Variants in GPALPP1 observed in about 807,000 individuals in gnomAD.
GPALPP1 encodes the protein GPALPP motifs containing 1, also known as GPALPP motifs-containing protein 1.
In GPALPP1, 30 loss-of-function variants were observed where a neutral mutation model predicts 38.9. The ratio of observed to expected loss-of-function variants is 0.77; its 90% confidence interval spans 0.58 to 1.05. GPALPP1 has a LOEUF of 1.05. Among genes scored for constraint, GPALPP1 ranks in the 50% least tolerant of loss-of-function variants. The pLI is 0.00. For synonymous variants in GPALPP1, 120 were observed against 139.2 expected, an observed-to-expected ratio of 0.86 and a Z score of 0.97; for missense variants, 384 against 408.8, an observed-to-expected ratio of 0.94 and a Z score of 0.52.
chr13:45,013,137 G>A (rs12184895), intron 4 of GPALPP1, among the ~76,000 whole-genome samples: 8,118 of 152,266 alleles, frequency 0.053, 290 homozygotes, highest in South Asian at 0.075. Context: ...CAAGAGGTAA[G>A]ATCATCCCAG....
chr13:44,989,726 G>A lies in GPALPP1; in HGVS notation c.72G>A (p.Glu24=), dbSNP rs776592295. Residue 24 remains glutamate, a synonymous_variant, in exon 1 of 8, where the codon GAG becomes GAA. Coordinates refer to ENST00000379151, the MANE Select transcript of GPALPP1 (RefSeq NM_018559.5). ...CCCGCGGAACAGCGGAGGACGAAGA[G>A]CGGGACCCGAGCCCTGGTAAGCGGC... The part of the protein sequence containing the change: ...FKARGTAEDE[E]RDPSPVAGPA... 1 of 1,609,352 alleles carries A rather than the reference G, an allele frequency of 6.2e-7. No homozygotes were observed. The highest frequency in any genetic ancestry group is 8.5e-7 in the Non-Finnish European group (1 of 1,179,486).
intron 6 of GPALPP1, among the ~76,000 whole-genome samples, chr13:45,018,322 A>G (rs1032118816): frequency 3.9e-5 from 6 of 151,912 alleles, no homozygotes; most frequent in Non-Finnish European, 7.4e-5. Flanking sequence ...GCGTGAACCC[A>G]GGAGGCAGAG....
intron 1 of GPALPP1, among the ~76,000 whole-genome samples, chr13:44,998,435 C>G (rs1409925953): frequency 6.6e-6 from 1 of 152,152 alleles, no homozygotes; most frequent in African/African-American, 2.4e-5. Context: ...CCACTGAGAC[C>G]CTCACCAATT....
At chr13:45,015,172 A>G (rs1025788201) in intron 5 of GPALPP1, 89 bp downstream of exon 5, 6 of 885,016 alleles carry the variant, frequency 6.8e-6, no homozygotes, top group Non-Finnish European at 8.0e-6. Flanking sequence ...AACTTTTAAT[A>G]TATTTTGTTT....
chr13:45,027,994 G>C lies in GPALPP1; in HGVS notation c.1014G>C (p.Met338Ile). ...NTRFSHGKGN[M>I]FL ...GATTTTCACACGGCAAAGGCAATAT[G>C]TTTTTATAAGTAAGTATATTTCAGT... Residue 338 changes from methionine (M) to isoleucine (I), a missense_variant, in exon 8 of 8, where the codon ATG (methionine) becomes ATC (isoleucine). Physicochemically the swap from Met to Ile is conservative, Grantham distance 10. Transcript: ENST00000379151. 4 of 1,549,466 alleles carry C rather than the reference G, an allele frequency of 2.6e-6. No individual in the cohort carries two copies. Among genetic ancestry groups the C allele is most frequent in the Non-Finnish European group, 3.6e-6 (4 of 1,122,572 alleles).
intron 7 of GPALPP1, among the ~76,000 whole-genome samples, chr13:45,025,611 T>A (rs1875775473): frequency 6.6e-6 from 1 of 152,100 alleles, no homozygotes; most frequent in African/African-American, 2.4e-5. Context: ...AATTTAGAAA[T>A]TATTATTATG....
At chr13:45,020,645 A>C (rs953861433) in intron 7 of GPALPP1, among the ~76,000 whole-genome samples, 3 of 151,916 alleles carry the variant, frequency 2.0e-5, no homozygotes, top group Admixed American at 6.6e-5. Context: ...TGTCTCAAAA[A>C]AAAAAAAAAA....
At position 45,029,515 on chromosome 13, in the gene GPALPP1, T is replaced by G. The variant is rs778883810; in HGVS notation, c.*1512T>G. On this transcript the variant is annotated 3_prime_UTR_variant, in exon 8 of 8. Coordinates refer to ENST00000379151, the MANE Select transcript of GPALPP1 (RefSeq NM_018559.5). Reference sequence around the variant, plus strand: ...TTTAAGAGGCTTCCATTCCCCCTGATTTTTGTGGTGTCTCACAAGTACCCT... The same window carrying G: ...TTTAAGAGGCTTCCATTCCCCCTGAGTTTTGTGGTGTCTCACAAGTACCCT... The G allele has an allele frequency of 6.6e-5, 10 of 152,200 alleles. No individual in the cohort carries two copies. The highest frequency in any genetic ancestry group is 1.3e-4 in the Non-Finnish European group (9 of 68,032). The allele number at this position is 152,200 out of a possible 1,614,324, so 9.4% of individuals were successfully genotyped here. A position where few individuals can be genotyped will look rare whatever the true frequency, so the allele number is the denominator to read the frequency against.
At chr13:45,022,378 G>A (rs118032594) in intron 7 of GPALPP1, among the ~76,000 whole-genome samples, 1,733 of 151,980 alleles carry the variant, frequency 0.011, 23 homozygotes, top group Non-Finnish European at 0.018. Flanking sequence ...AAAACTCATT[G>A]AATATACACT....
intron 4 of GPALPP1, among the ~76,000 whole-genome samples, chr13:45,010,668 G>T (rs967553812): frequency 3.3e-5 from 5 of 152,176 alleles, no homozygotes; most frequent in African/African-American, 1.2e-4. Flanking sequence ...CCATGATGGG[G>T]GAATGTAATC....
chr13:45,030,407 T>G (rs1017915171), downstream of GPALPP1: 1 of 152,058 alleles, frequency 6.6e-6, no homozygotes, highest in Non-Finnish European at 1.5e-5. Flanking sequence ...AGAGATGGAG[T>G]CTTGCTCTGT....
intron 7 of GPALPP1, among the ~76,000 whole-genome samples, chr13:45,024,649 C>A (rs1263351274): frequency 6.6e-6 from 1 of 151,550 alleles, no homozygotes; most frequent in Non-Finnish European, 1.5e-5. Flanking sequence ...ATCATAAGGG[C>A]CAGGCATAGT....
intron 7 of GPALPP1, among the ~76,000 whole-genome samples, chr13:45,023,334 A>T (rs929756841): frequency 1.3e-5 from 2 of 151,260 alleles, no homozygotes; most frequent in Admixed American, 6.6e-5. Context: ...CTGATATAAA[A>T]GTTTATTTCT....
Position 45,027,894 on chromosome 13 carries a change from A to C in GPALPP1, c.914A>C (p.Lys305Thr). The C allele has an allele frequency of 6.2e-7, 1 of 1,606,770 alleles. No homozygotes were observed. The highest frequency in any genetic ancestry group is 8.5e-7 in the Non-Finnish European group (1 of 1,173,378). ...GAGAGAATACCATTTGACCGTGATA[A>C]AGATCTCAAGGTTAATCGGTTTGAT... ...PQERIPFDRD[K>T]DLKVNRFDEA... The change falls in exon 8 of 8, where the codon AAA (lysine) becomes ACA (threonine). Residue 305 changes from lysine (K) to threonine (T), a missense_variant. Physicochemically the swap from Lys to Thr is moderately conservative, Grantham distance 78. Transcript: ENST00000379151.
intron 1 of GPALPP1, chr13:44,990,136 G>A (rs185680406): frequency 1.9e-4 from 79 of 418,778 alleles, no homozygotes; most frequent in Non-Finnish European, 2.6e-4. Context: ...GCGCGACTTA[G>A]AAGGAAGCGG....
chr13:45,004,405 A>C lies in GPALPP1; in HGVS notation c.189A>C (p.Glu63Asp). The change falls in exon 2 of 8, where the codon GAA becomes GAC. Residue 63 changes from glutamate to aspartate, a missense_variant. Glu to Asp is a conservative substitution (Grantham distance 45, BLOSUM62 2). Coordinates refer to ENST00000379151, the MANE Select transcript of GPALPP1 (RefSeq NM_018559.5). ...CTTTGTACGAAGAAGGAAATCAAGA[A>C]TCTGAAGAAGATGACAGTGGTCCAA... is the stretch of plus-strand genomic sequence containing the variant. ...SSSLYEEGNQESEEDDSGPTA... is the reference protein window; with the variant it reads ...SSSLYEEGNQDSEEDDSGPTA... The C allele has an allele frequency of 6.2e-7, 1 of 1,610,422 alleles. No individual in the cohort carries two copies. The highest frequency in any genetic ancestry group is 8.5e-7 in the Non-Finnish European group (1 of 1,176,688).
intron 1 of GPALPP1, chr13:44,990,013 G>C: frequency 1.8e-6 from 1 of 542,648 alleles, no homozygotes; most frequent in Non-Finnish European, 3.3e-6. Flanking sequence ...CTAACTGACT[G>C]ATACCCACTC....
intron 7 of GPALPP1, among the ~76,000 whole-genome samples, chr13:45,024,482 A>G (rs1593407911): frequency 6.6e-6 from 1 of 151,768 alleles, no homozygotes; most frequent in East Asian, 2.0e-4. Context: ...TATTTCTAGT[A>G]GAGATGGGGT....
At chr13:45,004,738 C>T (rs1319257898) in intron 2 of GPALPP1, among the ~76,000 whole-genome samples, 3 of 152,126 alleles carry the variant, frequency 2.0e-5, no homozygotes, top group African/African-American at 7.2e-5. Flanking sequence ...GCCTCTGCCT[C>T]CCAAGCTCAA....
Sources: gnomAD v4.1 joint callset for allele counts (sites outside exome capture counted in the v4.1 genomes callset) on GRCh38, gnomAD v4.1.1 for gene constraint, MANE v1.5 for transcripts, NCBI Gene and HGNC (gene_info 2026-07-23, HGNC 2026-07-21) for gene names.